DAPK2: variants seen among roughly 807,000 people sequenced by gnomAD.
The protein encoded by DAPK2 is death-associated protein kinase 2.
DAPK2 carries 35 observed loss-of-function variants against 44.1 expected under a neutral mutation model. That is an observed-to-expected ratio of 0.79 (90% confidence interval 0.61 to 1.05). The LOEUF is 1.05. DAPK2 is among the 50% of genes least tolerant of loss of function. The pLI, the probability that DAPK2 is intolerant of heterozygous loss-of-function variation, is 0.00. For missense variants in DAPK2, 453 were observed against 483.2 expected, an observed-to-expected ratio of 0.94 and a Z score of 0.59; for synonymous variants, 174 against 182.6, an observed-to-expected ratio of 0.95 and a Z score of 0.38.
At chr15:63,962,874 A>G (rs1344018747) in intron 3 of DAPK2, among the ~76,000 whole-genome samples, 2 of 152,196 alleles carry the variant, frequency 1.3e-5, no homozygotes, top group Non-Finnish European at 2.9e-5. Flanking sequence ...ACTCTCTTTA[A>G]ATCTGTCAGA....
At chr15:63,962,750 A>C (rs1418281559) in intron 3 of DAPK2, among the ~76,000 whole-genome samples, 4 of 152,224 alleles carry the variant, frequency 2.6e-5, no homozygotes, top group African/African-American at 9.6e-5. Flanking sequence ...ATGAGGTGTC[A>C]GTCAGCCCCT....
At chr15:64,044,069 A>G (rs1843067617), upstream of DAPK2, among the ~76,000 whole-genome samples, 1 of 152,208 alleles carries the variant, frequency 6.6e-6, no homozygotes, top group African/African-American at 2.4e-5. Context: ...ACTGAAGTGG[A>G]ATTATAGTCA....
At chr15:63,998,390 G>A (rs2140948951) in intron 1 of DAPK2, among the ~76,000 whole-genome samples, 1 of 152,322 alleles carries the variant, frequency 6.6e-6, no homozygotes, top group East Asian at 1.9e-4. Context: ...GGAGAAGCCA[G>A]GTTGTGTCTC....
chr15:63,956,623 G>A (rs548509094), intron 3 of DAPK2, among the ~76,000 whole-genome samples: 4 of 150,104 alleles, frequency 2.7e-5, no homozygotes, highest in East Asian at 3.9e-4. Flanking sequence ...GTCGCACTCC[G>A]TCGCCCAGGC....
intron 7 of DAPK2, among the ~76,000 whole-genome samples, chr15:63,925,678 G>GCACA (rs3222873): frequency 1.4e-3 from 191 of 138,528 alleles, no homozygotes; most frequent in African/African-American, 2.6e-3. Flanking sequence ...GACTTGTAGC[G>GCACA]CACACACACA....
At position 63,913,817 on chromosome 15, in the gene DAPK2, A is replaced by G. The variant is rs1029070736; in HGVS notation, c.859-1620T>C. 3.3e-5 allele frequency among the ~76,000 whole-genome samples: 5 copies of G among 152,314 alleles called. No homozygotes were observed. In the East Asian group the frequency reaches 9.6e-4, roughly 29 times the overall value. ...ATTCAGACATGATCTCCTCCAAGACAAATTCCAGAAAATCATGTCTCCCTC... is the reference window on the plus strand; with the variant it reads ...ATTCAGACATGATCTCCTCCAAGACGAATTCCAGAAAATCATGTCTCCCTC... On this transcript the variant is annotated intron_variant, in intron 8 of 10. Transcript: ENST00000261891.
At chr15:64,002,953 T>TC (rs2079125248) in intron 1 of DAPK2, among the ~76,000 whole-genome samples, 72 of 126,964 alleles carry the variant, frequency 5.7e-4, no homozygotes, top group East Asian at 4.7e-3. Flanking sequence ...TGTGTGTGTG[T>TC]GTGTGTGTGT....
chr15:64,036,319 G>GTA (rs57218056), intron 1 of DAPK2, among the ~76,000 whole-genome samples: 656 of 56,652 alleles, frequency 0.012, 34 homozygotes, highest in South Asian at 0.024. Context: ...GTATATATAT[G>GTA]TATATATATA....
intron 1 of DAPK2, among the ~76,000 whole-genome samples, chr15:64,028,379 C>T (rs1370908386): frequency 6.6e-6 from 1 of 152,068 alleles, no homozygotes; most frequent in Non-Finnish European, 1.5e-5. Flanking sequence ...TTTAATTGTC[C>T]AGTAATCTTC....
chr15:63,994,628 C>T lies in DAPK2; in HGVS notation c.93-10874G>A, dbSNP rs1257393863. ...TTTTTGAGACGTAGTCTCCCTCTGT[C>T]GCCCAGGCTGGAGTGCAATGGCTCC... On this transcript the variant is annotated intron_variant, in intron 1 of 10. Coordinates refer to ENST00000261891, the Ensembl canonical transcript of DAPK2. 3.5e-5 allele frequency among the ~76,000 whole-genome samples: 5 copies of T among 143,560 alleles called. No individual in the cohort carries two copies. In the South Asian group the frequency reaches 8.9e-4, roughly 25 times the overall value. 94.2% of individuals were successfully genotyped at this position (143,560 alleles called of 152,430 possible). A position where few individuals can be genotyped will look rare whatever the true frequency, so the allele number is the denominator to read the frequency against.
At chr15:63,946,484 C>G (rs569953409) in intron 3 of DAPK2, among the ~76,000 whole-genome samples, 4 of 152,322 alleles carry the variant, frequency 2.6e-5, no homozygotes, top group Admixed American at 2.0e-4. Context: ...TACTGAGCCA[C>G]GGGGTTGTTC....
Position 63,997,900 on chromosome 15 carries a change from T to A in DAPK2, c.93-14146A>T, listed in dbSNP as rs575286856. Among the ~76,000 whole-genome samples the A allele has an allele frequency of 2.0e-5, 3 of 152,294 alleles. No homozygotes were observed. In the East Asian group the frequency reaches 5.8e-4, roughly 29 times the overall value. On this transcript the variant is annotated intron_variant, in intron 1 of 10. Coordinates refer to ENST00000261891, the Ensembl canonical transcript of DAPK2. ...AGTTTCATCATCAGTGAGACAGGAA[T>A]GAAAACCGCCTCATAAGCTATGATG...
In DAPK2 at chr15:63,939,204, C is replaced by G. The variant is rs1220776662; in HGVS notation, c.583+28G>C. ...CCTACCTTTGATGCCAGATTCTTAG[C>G]TGAAAGACAAACAGGCCTACAACTC... On this transcript the variant is annotated intron_variant, in intron 4 of 10. Coordinates refer to ENST00000261891, the Ensembl canonical transcript of DAPK2. The surrounding 1 kb of genome is among the most constrained non-coding windows in gnomAD (Gnocchi z 4.3). The G allele has an allele frequency of 6.2e-7, 1 of 1,611,206 alleles. No homozygotes were observed. The highest frequency in any genetic ancestry group is 2.2e-5 in the East Asian group (1 of 44,826).
chr15:63,921,399 A>G (rs953483858), intron 8 of DAPK2: 3 of 152,286 alleles, frequency 2.0e-5, no homozygotes, highest in Non-Finnish European at 2.9e-5. Context: ...AATATCGTTT[A>G]GTCTGCCTCT....
At chr15:64,037,618 G>A (rs1474703937) in intron 1 of DAPK2, among the ~76,000 whole-genome samples, 4 of 152,152 alleles carry the variant, frequency 2.6e-5, no homozygotes, top group African/African-American at 4.8e-5. Context: ...TCAAGAATAC[G>A]TTAAATGAAG....
rs533429100 is a variant in DAPK2 at position 63,927,230 on chromosome 15, C to T, written c.660-1137G>A. Reference sequence around the variant, plus strand: ...TTGTCATTGTGAGAACACAAAAGCCCTCTATGACTTCCCATCTTCTACAGG... The same window carrying T: ...TTGTCATTGTGAGAACACAAAAGCCTTCTATGACTTCCCATCTTCTACAGG... On this transcript the variant is annotated intron_variant, in intron 6 of 10. Transcript: ENST00000261891. Among the ~76,000 whole-genome samples the T allele has an allele frequency of 3.3e-5, 5 of 152,292 alleles. 1 individual carries two copies. In the South Asian group the frequency reaches 8.3e-4, roughly 25 times the overall value.
intron 1 of DAPK2, among the ~76,000 whole-genome samples, chr15:64,016,373 C>G (rs562246781): frequency 6.6e-6 from 1 of 152,294 alleles, no homozygotes; most frequent in South Asian, 2.1e-4. Flanking sequence ...GCTTTGGAGC[C>G]AAAGAGACAT....
chr15:63,926,541 T>C (rs1414463304), intron 6 of DAPK2, among the ~76,000 whole-genome samples: 2 of 152,074 alleles, frequency 1.3e-5, no homozygotes, highest in Admixed American at 6.6e-5. Context: ...AAAGGCCTTC[T>C]GGGTTACAGG....
At chr15:63,938,874 G>A (rs751016752) in intron 4 of DAPK2, among the ~76,000 whole-genome samples, 28 of 152,206 alleles carry the variant, frequency 1.8e-4, no homozygotes, top group Non-Finnish European at 3.1e-4. Context: ...TTCAGAGAAG[G>A]TTGAGTTTAT....
Sources: gnomAD v4.1 joint callset for allele counts (sites outside exome capture counted in the v4.1 genomes callset) on GRCh38, gnomAD v4.1.1 for gene constraint, Gnocchi (gnomAD v3.1) non-coding constraint, MANE v1.5 for transcripts, NCBI Gene and HGNC (gene_info 2026-07-23, HGNC 2026-07-21) for gene names.